The following DNAH7 variants were observed in gnomAD, a reference collection of about 807,000 sequenced individuals.
DNAH7 encodes dynein axonemal heavy chain 7, also known as axonemal beta dynein heavy chain 7.
A neutral mutation model predicts 444.6 loss-of-function variants in DNAH7; 397 were observed. The observed-to-expected ratio is 0.89, with a 90% CI of 0.82 to 0.97. The LOEUF (loss-of-function observed/expected upper bound fraction) is 0.97, where lower values mean the gene tolerates loss of function less well. Ranked by LOEUF, DNAH7 falls within the 50% of genes least tolerant of loss-of-function variation. The probability of loss-of-function intolerance (pLI) is 0.00; values close to 1 mark genes in which losing one functional copy is unlikely to be tolerated. For missense variants in DNAH7, 4,902 were observed against 4,800.8 expected (o/e 1.02, Z -0.62); for synonymous variants, 1,636 against 1,624.4 (o/e 1.01, Z -0.17).
intron 10 of DNAH7, among the ~76,000 whole-genome samples, chr2:196,012,093 T>C (rs1471191291): frequency 1.3e-5 from 2 of 152,144 alleles, no homozygotes; most frequent in Admixed American, 1.3e-4. Flanking sequence ...TATGAAGATA[T>C]CTTTCTAAGT....
At chr2:195,742,611 G>T (rs1432561839) in intron 63 of DNAH7, among the ~76,000 whole-genome samples, 2 of 152,180 alleles carry the variant, frequency 1.3e-5, no homozygotes, top group Non-Finnish European at 2.9e-5. Flanking sequence ...TATAGAAAAT[G>T]ACAGGTAGAT....
chr2:195,816,179 T>C (rs548834024), intron 51 of DNAH7, among the ~76,000 whole-genome samples: 1 of 152,160 alleles, frequency 6.6e-6, no homozygotes, highest in Non-Finnish European at 1.5e-5. Flanking sequence ...GAAAAGAAGA[T>C]CTATTACCAC....
rs757326456 is a variant in DNAH7, at chr2:195,936,644, T to C, written c.3227A>G (p.Asn1076Ser). Residue 1076 changes from asparagine to serine, a missense_variant, in exon 20 of 65, where the codon AAT becomes AGT. By Grantham distance (46) the Asn-to-Ser change is conservative. Coordinates refer to ENST00000312428, the MANE Select transcript of DNAH7 (RefSeq NM_018897.3). Reference sequence around the variant, plus strand: ...AGATAGTATCTCAAGAAGTTCATCATTGGACAAAAAAAAGAATCTGGGGAA... The same window carrying C: ...AGATAGTATCTCAAGAAGTTCATCACTGGACAAAAAAAAGAATCTGGGGAA... ...LFFPRFFFLS[N>S]DELLEILSET... is the part of the protein sequence containing the mutation. 148 of 1,606,564 alleles carry C rather than the reference T, an allele frequency of 9.2e-5. No individual in the cohort carries two copies. Among genetic ancestry groups the C allele is most frequent in the Admixed American group, 2.9e-4 (17 of 58,492 alleles).
chr2:195,830,818 T>C (rs561726194), intron 48 of DNAH7, among the ~76,000 whole-genome samples: 3 of 152,346 alleles, frequency 2.0e-5, no homozygotes, highest in African/African-American at 7.2e-5. Flanking sequence ...TTGTCTGTAA[T>C]CTCTTTCTGC....
chr2:195,860,572 C>T (rs1160063423), intron 42 of DNAH7, among the ~76,000 whole-genome samples: 1 of 151,890 alleles, frequency 6.6e-6, no homozygotes, highest in Non-Finnish European at 1.5e-5. Context: ...TGGGAGGGCA[C>T]AGCAATAGTT....
intron 46 of DNAH7, among the ~76,000 whole-genome samples, chr2:195,849,896 C>A (rs1215741280): frequency 2.6e-5 from 4 of 152,202 alleles, no homozygotes; most frequent in Non-Finnish European, 5.9e-5. Flanking sequence ...AGCCACCTCA[C>A]CCAGCACTAC....
intron 46 of DNAH7, among the ~76,000 whole-genome samples, chr2:195,848,718 C>G (rs768491761): frequency 6.6e-6 from 1 of 152,168 alleles, no homozygotes; most frequent in Non-Finnish European, 1.5e-5. Context: ...ATGGAATTAG[C>G]TGGGTTTCAC....
At chr2:195,775,747 G>A in intron 60 of DNAH7, 99 bp downstream of exon 60, 2 of 1,305,256 alleles carry the variant, frequency 1.5e-6, no homozygotes, top group Non-Finnish European at 2.0e-6. Context: ...TTCTCCACTT[G>A]AACAGAATTG....
intron 19 of DNAH7, among the ~76,000 whole-genome samples, chr2:195,940,081 A>T (rs1260853565): frequency 2.6e-5 from 4 of 152,182 alleles, no homozygotes; most frequent in Admixed American, 6.6e-5. Context: ...CCTAAGCAAA[A>T]AGAACAAAGC....
rs1688176271 is a variant in DNAH7, at chr2:195,923,869, A to T, written c.3613-62T>A. On this transcript the variant is annotated intron_variant, in intron 22 of 64. Coordinates refer to ENST00000312428, the MANE Select transcript of DNAH7 (RefSeq NM_018897.3). ...TGATCAAAATTATTTTGAACAAAACATTCTGAACTAGTATATATACAGATT... is the reference window on the plus strand; with the variant it reads ...TGATCAAAATTATTTTGAACAAAACTTTCTGAACTAGTATATATACAGATT... 3 of 1,352,696 alleles carry T rather than the reference A, an allele frequency of 2.2e-6. No individual in the cohort carries two copies. The South Asian group carries it at 3.6e-5, about 16-fold the overall frequency. The allele number at this position is 1,352,696 out of a possible 1,614,324, so 83.8% of individuals were successfully genotyped here. A position where few individuals can be genotyped will look rare whatever the true frequency, so the allele number is the denominator to read the frequency against.
chr2:196,042,869 TA>T (rs1302132425), intron 5 of DNAH7, among the ~76,000 whole-genome samples: 1 of 152,138 alleles, frequency 6.6e-6, no homozygotes, highest in African/African-American at 2.4e-5. Context: ...AATGAAAATG[TA>T]TGTTCACAAG....
intron 15 of DNAH7, among the ~76,000 whole-genome samples, chr2:195,980,140 A>G (rs1692477169): frequency 2.0e-5 from 3 of 150,480 alleles, no homozygotes; most frequent in Admixed American, 6.6e-5. Flanking sequence ...CTCATCTTGA[A>G]TTGTAGCTCC....
intron 45 of DNAH7, among the ~76,000 whole-genome samples, chr2:195,853,733 T>C (rs763893339): frequency 2.0e-5 from 3 of 152,140 alleles, no homozygotes; most frequent in Non-Finnish European, 4.4e-5. Context: ...AAATTAATAA[T>C]GAATGAATAT....
At chr2:195,945,049 C>A (rs897951536) in intron 19 of DNAH7, among the ~76,000 whole-genome samples, 2 of 151,618 alleles carry the variant, frequency 1.3e-5, no homozygotes, top group East Asian at 1.9e-4. Flanking sequence ...TATTTTCAAG[C>A]AATAACTAGA....
At chr2:195,940,321 T>C (rs1471344809) in intron 19 of DNAH7, among the ~76,000 whole-genome samples, 1 of 152,182 alleles carries the variant, frequency 6.6e-6, no homozygotes, top group East Asian at 1.9e-4. Flanking sequence ...GCTAGCCACA[T>C]GCAGAAAACA....
chr2:195,999,103 C>T (rs1693883259), intron 12 of DNAH7: 1 of 717,078 alleles, frequency 1.4e-6, no homozygotes, highest in African/African-American at 1.7e-5. Context: ...TAATTGGCAT[C>T]TCCATGTAAA....
At chr2:196,058,980 C>T (rs760322341) in intron 1 of DNAH7, among the ~76,000 whole-genome samples, 3 of 152,242 alleles carry the variant, frequency 2.0e-5, no homozygotes, top group Non-Finnish European at 2.9e-5. Context: ...TAAGGATAAA[C>T]AGAGATCAAG....
chr2:195,818,661 T>C (rs1015787481), intron 49 of DNAH7, among the ~76,000 whole-genome samples: 3 of 152,190 alleles, frequency 2.0e-5, no homozygotes, highest in Non-Finnish European at 1.5e-5. Context: ...CTTTATTTCA[T>C]GATACAGCCC....
chr2:195,922,438 T>A (rs1688080244), intron 23 of DNAH7, among the ~76,000 whole-genome samples: 1 of 152,224 alleles, frequency 6.6e-6, no homozygotes, highest in Non-Finnish European at 1.5e-5. Context: ...ATATTTTTAA[T>A]CATTTTGTGT....
Sources: gnomAD v4.1 joint callset for allele counts (sites outside exome capture counted in the v4.1 genomes callset) on GRCh38, gnomAD v4.1.1 for gene constraint, MANE v1.5 for transcripts, NCBI Gene and HGNC (gene_info 2026-07-23, HGNC 2026-07-21) for gene names.